EPHA3: variants seen among roughly 807,000 people sequenced by gnomAD.
The protein encoded by EPHA3 is EPH receptor A3, also known as ephrin type-A receptor 3.
A neutral mutation model predicts 107.1 loss-of-function variants in EPHA3; 42 were observed. That is an observed-to-expected ratio of 0.39 (90% CI 0.31 to 0.51). The LOEUF is 0.51. Ranked by LOEUF, EPHA3 falls within the 20% of genes least tolerant of loss-of-function variation. The pLI is 0.78. For synonymous variants in EPHA3, 461 were observed against 424.8 expected, an observed-to-expected ratio of 1.09 and a Z score of -1.05; for missense variants, 1,183 against 1,211.2, an observed-to-expected ratio of 0.98 and a Z score of 0.35.
intron 13 of EPHA3, among the ~76,000 whole-genome samples, chr3:89,437,035 C>T (rs1709685832): frequency 6.6e-6 from 1 of 152,072 alleles, no homozygotes; most frequent in Non-Finnish European, 1.5e-5. Flanking sequence ...CTCCACTGTA[C>T]TCTCATGGGA....
At chr3:89,425,403 G>C in intron 11 of EPHA3, among the ~76,000 whole-genome samples, 1 of 136,478 alleles carries the variant, frequency 7.3e-6, no homozygotes, top group East Asian at 2.2e-4. Flanking sequence ...TCCATCTCCC[G>C]TTTTTTTTTT....
chr3:89,362,960 CA>C (rs1708122838), intron 5 of EPHA3, among the ~76,000 whole-genome samples: 2 of 150,872 alleles, frequency 1.3e-5, no homozygotes, highest in African/African-American at 4.8e-5. Flanking sequence ...AAGATTTATG[CA>C]AACCCAAACT....
chr3:89,437,929 T>C (rs6763738), intron 13 of EPHA3, among the ~76,000 whole-genome samples: 5,831 of 152,198 alleles, frequency 0.038, 385 homozygotes, highest in African/African-American at 0.13. Flanking sequence ...TTCGATTTTT[T>C]TCTTTTCATT....
chr3:89,194,051 A>G (rs888205515), intron 2 of EPHA3, among the ~76,000 whole-genome samples: 1 of 152,002 alleles, frequency 6.6e-6, no homozygotes, highest in Non-Finnish European at 1.5e-5. Flanking sequence ...AAAGTAGAAT[A>G]TTTATCACTT....
chr3:89,340,352 T>A (rs1707490344), intron 3 of EPHA3, among the ~76,000 whole-genome samples: 3 of 152,256 alleles, frequency 2.0e-5, no homozygotes, highest in Admixed American at 6.5e-5. Context: ...GCCATTGCCA[T>A]AGGAAGTAAG....
chr3:89,387,738 A>G (rs1436856882), intron 5 of EPHA3, among the ~76,000 whole-genome samples: 2 of 151,384 alleles, frequency 1.3e-5, no homozygotes, highest in Non-Finnish European at 2.9e-5. Flanking sequence ...AATTGTTAAA[A>G]TGAAATATAA....
chr3:89,202,470 C>A (rs1204967293), intron 2 of EPHA3, among the ~76,000 whole-genome samples: 1 of 145,944 alleles, frequency 6.9e-6, no homozygotes, highest in Non-Finnish European at 1.5e-5. Flanking sequence ...GAACCGAGAT[C>A]ACCCTGCTGC....
intron 2 of EPHA3, among the ~76,000 whole-genome samples, chr3:89,148,654 A>C (rs1704623232): frequency 6.6e-6 from 1 of 151,982 alleles, no homozygotes; most frequent in Admixed American, 6.6e-5. Context: ...CAGAATAATA[A>C]AACAAAAATG....
intron 15 of EPHA3, among the ~76,000 whole-genome samples, chr3:89,469,003 T>C (rs544089341): frequency 1.3e-5 from 2 of 152,202 alleles, no homozygotes; most frequent in Admixed American, 6.5e-5. Flanking sequence ...TGAAATGTTA[T>C]ATTGATATTT....
chr3:89,245,552 A>T (rs1307694119), intron 3 of EPHA3, among the ~76,000 whole-genome samples: 8 of 152,252 alleles, frequency 5.3e-5, no homozygotes. Context: ...AGAGAAATTT[A>T]AAGATTCCTT....
intron 2 of EPHA3, among the ~76,000 whole-genome samples, chr3:89,200,307 C>A (rs1443679661): frequency 6.6e-6 from 1 of 152,148 alleles, no homozygotes; most frequent in African/African-American, 2.4e-5. Context: ...AAAGAAGAAT[C>A]ATTCTGAAAT....
At chr3:89,193,773 C>T (rs1334259550) in intron 2 of EPHA3, among the ~76,000 whole-genome samples, 3 of 151,812 alleles carry the variant, frequency 2.0e-5, no homozygotes. Context: ...AATTTAATTA[C>T]ACAAAATGAT....
Position 89,208,462 on chromosome 3 carries a change from G to GAAAGAA in EPHA3, c.154-1396_154-1391dup, listed in dbSNP as rs1553664807. Among the ~76,000 whole-genome samples the GAAAGAA allele has an allele frequency of 3.1e-3, 328 of 104,496 alleles. 41 individuals carry two copies. The highest frequency in any genetic ancestry group is 0.014 in the African/African-American group (305 of 21,082). The allele number at this position is 104,496 out of a possible 152,430, so 68.6% of individuals were successfully genotyped here. On this transcript the variant is annotated intron_variant, in intron 2 of 16. Coordinates refer to ENST00000336596, the MANE Select transcript of EPHA3 (RefSeq NM_005233.6). ...AGAAAGAAAGAAAGAAAGAAAGAAA[G>GAAAGAA]AAAGAAAGAAAGAAAGAAAGAGAAA...
At chr3:89,418,181 C>G (rs114433488) in intron 10 of EPHA3, among the ~76,000 whole-genome samples, 1 of 151,476 alleles carries the variant, frequency 6.6e-6, no homozygotes, top group Non-Finnish European at 1.5e-5. Context: ...AAAAATTAAT[C>G]ATATAATTAA....
Position 89,454,716 on chromosome 3 carries a change from G to T in EPHA3, c.2690+4346G>T, listed in dbSNP as rs543672340. On this transcript the variant is annotated intron_variant, in intron 15 of 16. Transcript: ENST00000336596. ...TTGTTTAAAAAGCCCTGCTGACTGG[G>T]TGGAGTGACTCAAAACTGCAATACC... 5.9e-5 allele frequency among the ~76,000 whole-genome samples: 9 copies of T among 152,306 alleles called. No individual in the cohort carries two copies. The East Asian group carries it at 1.7e-3, about 29-fold the overall frequency.
chr3:89,287,093 C>T (rs1361477266), intron 3 of EPHA3, among the ~76,000 whole-genome samples: 5 of 152,110 alleles, frequency 3.3e-5, no homozygotes, highest in African/African-American at 1.2e-4. Flanking sequence ...CTTAATTTTC[C>T]AACCTATTTT....
chr3:89,223,491 T>C (rs1704431192), intron 3 of EPHA3, among the ~76,000 whole-genome samples: 1 of 152,196 alleles, frequency 6.6e-6, no homozygotes, highest in African/African-American at 2.4e-5. Flanking sequence ...GCTCATGCTG[T>C]AAACTCCAGA....
At chr3:89,231,115 C>A (rs766015882) in intron 3 of EPHA3, among the ~76,000 whole-genome samples, 6 of 152,098 alleles carry the variant, frequency 3.9e-5, no homozygotes, top group East Asian at 3.9e-4. Flanking sequence ...GTAATTAATT[C>A]TTTTAATAAT....
intron 5 of EPHA3, among the ~76,000 whole-genome samples, chr3:89,352,761 G>A (rs1423359408): frequency 1.3e-5 from 2 of 150,392 alleles, no homozygotes; most frequent in Non-Finnish European, 3.0e-5. Context: ...AAATTAGCCA[G>A]GCATGATGGC....
Sources: gnomAD v4.1 joint callset for allele counts (sites outside exome capture counted in the v4.1 genomes callset) on GRCh38, gnomAD v4.1.1 for gene constraint, MANE v1.5 for transcripts, NCBI Gene and HGNC (gene_info 2026-07-23, HGNC 2026-07-21) for gene names.